The following ATG16L2 variants were observed in gnomAD, a reference collection of about 807,000 sequenced individuals.
ATG16L2 encodes the protein protein Atg16l2.
ATG16L2 carries 77 observed loss-of-function variants against 84.7 expected under a neutral mutation model. The ratio of observed to expected loss-of-function variants is 0.91; its 90% confidence interval spans 0.76 to 1.10. The LOEUF (loss-of-function observed/expected upper bound fraction) is 1.10. ATG16L2 is among the 50% of genes least tolerant of loss of function. The probability of loss-of-function intolerance (pLI) is 0.00; values close to 1 mark genes in which losing one functional copy is unlikely to be tolerated. For synonymous variants in ATG16L2, 361 were observed against 342.8 expected, an observed-to-expected ratio of 1.05 and a Z score of -0.59; for missense variants, 782 against 817.6, an observed-to-expected ratio of 0.96 and a Z score of 0.53.
downstream of ATG16L2, among the ~76,000 whole-genome samples, chr11:72,830,713 G>A (rs1700079580): frequency 6.6e-6 from 1 of 152,126 alleles, no homozygotes. Context: ...GAGACCACCC[G>A]CAACCCCAGC....
At chr11:72,840,951 G>A (rs759802802) in intron 5 of ATG16L2, 2 of 1,612,396 alleles carry the variant, frequency 1.2e-6, no homozygotes, top group East Asian at 2.2e-5. Context: ...TCAGCATGAA[G>A]GCTTTTTTCT....
At chr11:72,818,870 T>C (rs903340349) in intron 3 of ATG16L2, 2 of 152,210 alleles carry the variant, frequency 1.3e-5, no homozygotes, top group Admixed American at 6.5e-5. Flanking sequence ...AGTCACAGAA[T>C]GGCAAGTCAC....
At chr11:72,829,730 A>C, downstream of ATG16L2, 1 of 812,984 alleles carries the variant, frequency 1.2e-6, no homozygotes, top group East Asian at 8.5e-5. Flanking sequence ...TCCTCCTTCC[A>C]TACAGAGCTG....
intron 14 of ATG16L2, among the ~76,000 whole-genome samples, chr11:72,827,952 C>G (rs1860458371): frequency 6.6e-6 from 1 of 151,994 alleles, no homozygotes; most frequent in Non-Finnish European, 1.5e-5. Flanking sequence ...AAACCAAAAC[C>G]AAAAACAAAA....
At chr11:72,817,937 C>G in intron 3 of ATG16L2, 82 bp downstream of exon 3, 1 of 1,217,938 alleles carries the variant, frequency 8.2e-7, no homozygotes, top group Non-Finnish European at 1.1e-6. Flanking sequence ...CCTGTGTTTG[C>G]TGAATTCTCC....
downstream of ATG16L2, among the ~76,000 whole-genome samples, chr11:72,833,241 C>G (rs1276820854): frequency 2.0e-5 from 3 of 152,278 alleles, no homozygotes; most frequent in East Asian, 5.8e-4. Flanking sequence ...CTGGAGAGAT[C>G]TGACACCATC....
chr11:72,816,897 G>A (rs974012554), intron 2 of ATG16L2, 70 bp downstream of exon 2: 7 of 1,351,268 alleles, frequency 5.2e-6, no homozygotes, highest in Middle Eastern at 2.2e-4. Flanking sequence ...TGCCTGTGCT[G>A]GGTTCATTCT....
chr11:72,828,064 A>G (rs1010167440), intron 14 of ATG16L2, among the ~76,000 whole-genome samples: 4 of 152,190 alleles, frequency 2.6e-5, no homozygotes, highest in Non-Finnish European at 5.9e-5. Flanking sequence ...TCTCTCTCTC[A>G]TATTTTTTAA....
At chr11:72,815,963 G>C (rs1022968799) in intron 1 of ATG16L2, 3 of 152,208 alleles carry the variant, frequency 2.0e-5, no homozygotes, top group African/African-American at 7.2e-5. Flanking sequence ...CCAGGGCTGG[G>C]GAAGTTGGGA....
In ATG16L2 at chr11:72,826,697, G is replaced by A. The variant is rs1434216843; in HGVS notation, c.1246-6G>A. 1.9e-6 allele frequency: 3 copies of A among 1,614,022 alleles called. No individual in the cohort carries two copies. The African/African-American group carries it at 4.0e-5, about 22-fold the overall frequency. ...CTCTTGATCCGTACCTGGGGCCGGG[G>A]TACAGGAGACACTGTCTGGACACAA... On this transcript the variant is annotated splice_region_variant and splice_polypyrimidine_tract_variant and intron_variant, in intron 12 of 17. Coordinates refer to ENST00000321297, the MANE Select transcript of ATG16L2 (RefSeq NM_033388.2).
downstream of ATG16L2, among the ~76,000 whole-genome samples, chr11:72,830,399 T>C (rs909899165): frequency 6.6e-6 from 1 of 152,142 alleles, no homozygotes; most frequent in Admixed American, 6.5e-5. Context: ...GTTCTAGTAC[T>C]CCTCCACCCT....
intron 8 of ATG16L2, chr11:72,824,512 C>G: frequency 1.7e-6 from 1 of 587,478 alleles, no homozygotes; most frequent in Non-Finnish European, 3.0e-6. Flanking sequence ...ACCCACCAAC[C>G]CTACCCTGCT....
In ATG16L2 at chr11:72,842,763, C is replaced by G. The variant is rs748017056; in HGVS notation, c.*168C>G. 4.3e-6 allele frequency: 7 copies of G among 1,613,788 alleles called. No individual in the cohort carries two copies. In the Admixed American group the frequency reaches 1.0e-4, roughly 23 times the overall value. On this transcript the variant is annotated 3_prime_UTR_variant, in exon 6 of 6. Coordinates refer to the ATG16L2 transcript ENST00000534905. ...ATCTTGGTTTTCTTTGTTCAAGATA[C>G]GGATTATTGCTCCCTCAGGAAAAGA...
In ATG16L2 at chr11:72,817,859, A is replaced by G; in HGVS notation, c.318+4A>G. The G allele has an allele frequency of 6.2e-7, 1 of 1,607,784 alleles. No individual in the cohort carries two copies. Among genetic ancestry groups the G allele is most frequent in the Non-Finnish European group, 8.5e-7 (1 of 1,179,434 alleles). Reference sequence around the variant, plus strand: ...GCTCCGGCTGGTCTGTGGTGAGGTAAGTTGGGAAGGGGTCTGAAAATGGGG... The same window carrying G: ...GCTCCGGCTGGTCTGTGGTGAGGTAGGTTGGGAAGGGGTCTGAAAATGGGG... On this transcript the variant is annotated splice_donor_region_variant and intron_variant, in intron 3 of 17. Coordinates refer to ENST00000321297, the MANE Select transcript of ATG16L2 (RefSeq NM_033388.2).
At chr11:72,821,576 T>G (rs1864652) in intron 3 of ATG16L2, 92 bp from the exon 4 acceptor site, 1,493,611 of 1,493,914 alleles carry the variant, frequency 1, 746,655 homozygotes, top group East Asian at 1. Context: ...GGCGGGCAGG[T>G]GAGCAGCCGA....
chr11:72,827,085 TG>T, intron 13 of ATG16L2, 102 bp from the exon 14 acceptor site: 1 of 987,996 alleles, frequency 1.0e-6, no homozygotes. Flanking sequence ...GTTCTAGTCT[TG>T]GGAGGACACT....
intron 14 of ATG16L2, 89 bp from the exon 15 acceptor site, chr11:72,828,270 G>T: frequency 6.7e-7 from 1 of 1,502,162 alleles, no homozygotes; most frequent in East Asian, 2.3e-5. Flanking sequence ...GACTTGGTTA[G>T]CTAGGAAGGC....
At chr11:72,830,631 G>A (rs1013297367), downstream of ATG16L2, among the ~76,000 whole-genome samples, 12 of 152,166 alleles carry the variant, frequency 7.9e-5, no homozygotes, top group African/African-American at 2.4e-4. Context: ...CACCATGCTC[G>A]GCCCAACAGG....
At position 72,829,000 on chromosome 11, in the gene ATG16L2, ACCTGGCCACCTG is replaced by A; in HGVS notation, c.1772+24_1772+35del. On this transcript the variant is annotated intron_variant, in intron 17 of 17. Transcript: ENST00000321297. ...GACCCCATTGGTGAGCATGGCCTCCACCTGGCCACCTGCCTGGCCCCAGTCCTGCCAGGCTGA... is the reference window on the plus strand; with the variant it reads ...GACCCCATTGGTGAGCATGGCCTCCACCTGGCCCCAGTCCTGCCAGGCTGA... 6.2e-7 allele frequency: 1 copy of A among 1,610,750 alleles called. No individual in the cohort carries two copies. The highest frequency in any genetic ancestry group is 8.5e-7 in the Non-Finnish European group (1 of 1,177,180).
Sources: gnomAD v4.1 joint callset for allele counts (sites outside exome capture counted in the v4.1 genomes callset) on GRCh38, gnomAD v4.1.1 for gene constraint, MANE v1.5 for transcripts, NCBI Gene and HGNC (gene_info 2026-07-23, HGNC 2026-07-21) for gene names.